Variants in GLG1 observed in about 807,000 individuals in gnomAD.
The protein encoded by GLG1 is Golgi apparatus protein 1.
In GLG1, 38 loss-of-function variants were observed where a neutral mutation model predicts 160.5. The observed-to-expected ratio is 0.24, with a 90% CI of 0.18 to 0.31. The LOEUF (loss-of-function observed/expected upper bound fraction) is 0.31, where lower values mean the gene tolerates loss of function less well. Among genes scored for constraint, GLG1 ranks in the 10% least tolerant of loss-of-function variants. GLG1 has a pLI of 1.00. For synonymous variants in GLG1, 644 were observed against 543.4 expected, an observed-to-expected ratio of 1.19 and a Z score of -2.57; for missense variants, 1,373 against 1,505.2, an observed-to-expected ratio of 0.91 and a Z score of 1.45.
intron 22 of GLG1, among the ~76,000 whole-genome samples, chr16:74,461,310 G>A (rs1169177973): frequency 1.3e-5 from 2 of 151,178 alleles, no homozygotes; most frequent in Non-Finnish European, 2.9e-5. Flanking sequence ...TGGGACTACA[G>A]GTATACGCCA....
At chr16:74,516,224 C>G (rs1049726087) in intron 2 of GLG1, among the ~76,000 whole-genome samples, 3 of 151,676 alleles carry the variant, frequency 2.0e-5, no homozygotes, top group Non-Finnish European at 2.9e-5. Context: ...ATCTACAGAA[C>G]TCTCCACCCC....
intron 3 of GLG1, among the ~76,000 whole-genome samples, chr16:74,507,948 A>C (rs1310730002): frequency 6.6e-6 from 1 of 152,070 alleles, no homozygotes; most frequent in Non-Finnish European, 1.5e-5. Context: ...CTAAAGATAA[A>C]TTTTTCAACG....
intron 1 of GLG1, among the ~76,000 whole-genome samples, chr16:74,557,614 G>C (rs1019735005): frequency 2.0e-5 from 3 of 152,220 alleles, no homozygotes. Context: ...AGGAGCTCTT[G>C]AGACTGAGCA....
chr16:74,543,735 C>G (rs2017968175), intron 1 of GLG1, among the ~76,000 whole-genome samples: 1 of 152,102 alleles, frequency 6.6e-6, no homozygotes, highest in Non-Finnish European at 1.5e-5. Context: ...CAAATCACAT[C>G]TGTGCCTTTT....
At chr16:74,506,728 C>T (rs1188525172) in intron 3 of GLG1, among the ~76,000 whole-genome samples, 1 of 151,958 alleles carries the variant, frequency 6.6e-6, no homozygotes, top group African/African-American at 2.4e-5. Flanking sequence ...TTTTTCAGCT[C>T]ACTATCCATT....
chr16:74,597,299 G>A (rs756932963), intron 1 of GLG1, among the ~76,000 whole-genome samples: 8 of 150,730 alleles, frequency 5.3e-5, no homozygotes, highest in Non-Finnish European at 7.4e-5. Flanking sequence ...GGCGTGGTGG[G>A]GTGCGCCTAT....
intron 1 of GLG1, among the ~76,000 whole-genome samples, chr16:74,534,485 G>A (rs895308461): frequency 3.3e-5 from 5 of 152,124 alleles, no homozygotes; most frequent in Admixed American, 2.6e-4. Flanking sequence ...TGGATTAAAG[G>A]TGCATTCTTG....
chr16:74,559,900 A>C (rs1405870347), intron 1 of GLG1, among the ~76,000 whole-genome samples: 1 of 152,206 alleles, frequency 6.6e-6, no homozygotes, highest in East Asian at 1.9e-4. Flanking sequence ...TTTTAGACTT[A>C]ATGGAAAAGT....
chr16:74,498,319 C>A (rs2016271844), intron 4 of GLG1, among the ~76,000 whole-genome samples: 1 of 148,146 alleles, frequency 6.8e-6, no homozygotes, highest in African/African-American at 2.5e-5. Flanking sequence ...GTAATCCCAG[C>A]TATTCGGGAA....
At chr16:74,557,477 A>G (rs2018384978) in intron 1 of GLG1, among the ~76,000 whole-genome samples, 2 of 152,188 alleles carry the variant, frequency 1.3e-5, no homozygotes, top group Non-Finnish European at 2.9e-5. Flanking sequence ...CACTTAGCCC[A>G]AGAGTGTGAG....
chr16:74,521,790 A>G (rs1196312541), intron 2 of GLG1, among the ~76,000 whole-genome samples: 1 of 152,188 alleles, frequency 6.6e-6, no homozygotes, highest in Non-Finnish European at 1.5e-5. Context: ...GCAGCAGTTC[A>G]TGGAGCCATC....
intron 25 of GLG1, among the ~76,000 whole-genome samples, chr16:74,453,864 T>C (rs910986086): frequency 1.4e-5 from 2 of 145,940 alleles, no homozygotes; most frequent in Non-Finnish European, 3.0e-5. Context: ...ATATTCTATA[T>C]TTTGTAAATT....
chr16:74,475,330 A>G (rs2015359687), intron 12 of GLG1, among the ~76,000 whole-genome samples: 1 of 152,142 alleles, frequency 6.6e-6, no homozygotes, highest in African/African-American at 2.4e-5. Flanking sequence ...TTAAATATGC[A>G]CTTTAATAAT....
At chr16:74,468,738 G>A (rs574858334) in intron 17 of GLG1, 7 of 563,424 alleles carry the variant, frequency 1.2e-5, no homozygotes, top group South Asian at 1.1e-4. Flanking sequence ...TGGACTTCCA[G>A]TTACATGTGG....
chr16:74,512,060 A>T (rs1159251256), intron 2 of GLG1, among the ~76,000 whole-genome samples: 1 of 152,012 alleles, frequency 6.6e-6, no homozygotes, highest in Non-Finnish European at 1.5e-5. Flanking sequence ...ATTATAGAAC[A>T]TTATCACCCC....
rs1491185102 is a variant in GLG1 at position 74,540,093 on chromosome 16, T to TAA, written c.439-7941_439-7940insTT. On this transcript the variant is annotated intron_variant, in intron 1 of 25. Coordinates refer to ENST00000422840, the MANE Select transcript of GLG1 (RefSeq NM_001145667.2). ...ATATTATATATATTTTATATATATA[T>TAA]TATATATATTTTATATATATATATT... Among the ~76,000 whole-genome samples the TAA allele has an allele frequency of 4.3e-3, 2 of 466 alleles. 1 individual carries two copies. Among genetic ancestry groups the TAA allele is most frequent in the African/African-American group, 5.4e-3 (2 of 370 alleles). The allele number at this position is 466 out of a possible 152,430, so 0.3% of individuals were successfully genotyped here.
At chr16:74,596,908 G>A (rs1240673720) in intron 1 of GLG1, among the ~76,000 whole-genome samples, 1 of 152,124 alleles carries the variant, frequency 6.6e-6, no homozygotes, top group Non-Finnish European at 1.5e-5. Context: ...CTTGAACTCA[G>A]GAGTTGGAGA....
rs1280449240 is a variant in GLG1 at position 74,459,696 on chromosome 16, C to T, written c.3130G>A (p.Glu1044Lys). 6 of 1,552,988 alleles carry T rather than the reference C, an allele frequency of 3.9e-6. No homozygotes were observed. In the Admixed American group the frequency reaches 1.0e-4, roughly 27 times the overall value. Residue 1044 changes from glutamate (E) to lysine (K), a missense_variant, in exon 23 of 26, where the codon GAA becomes AAA. Glu to Lys is a moderately conservative substitution (Grantham distance 56). Around this residue, in one of 4 missense-constraint regions of GLG1, gnomAD observed 491 missense variants for 632.1 expected, o/e 0.78. Transcript: ENST00000422840. Reference protein sequence around the residue: ...LKVNLLKIKTELCKKEVLNML... With the variant: ...LKVNLLKIKTKLCKKEVLNML... The stretch of plus-strand genomic sequence containing the variant: ...ACGGTGGTTACCTTTTTACACAATT[C>T]TGTTTTGATCTTGAGCAGGTTGACC...
At chr16:74,560,725 T>C (rs1272239338) in intron 1 of GLG1, among the ~76,000 whole-genome samples, 1 of 151,928 alleles carries the variant, frequency 6.6e-6, no homozygotes, top group East Asian at 1.9e-4. Context: ...CTTAGGCCTG[T>C]AACCCCAGCT....
Sources: gnomAD v4.1 joint callset for allele counts (sites outside exome capture counted in the v4.1 genomes callset) on GRCh38, gnomAD v4.1.1 for gene constraint, gnomAD v4.1.1 regional missense constraint, MANE v1.5 for transcripts, NCBI Gene and HGNC (gene_info 2026-07-23, HGNC 2026-07-21) for gene names.